The following UGT8 variants were observed in gnomAD, a reference collection of about 807,000 sequenced individuals.
UGT8 encodes UDP glycosyltransferase 8.
UGT8 carries 12 observed loss-of-function variants against 40.5 expected under a neutral mutation model. That is an observed-to-expected ratio of 0.30 (90% CI 0.19 to 0.48). The LOEUF (loss-of-function observed/expected upper bound fraction) is 0.48, where lower values mean the gene tolerates loss of function less well. Ranked by LOEUF, UGT8 falls within the 20% of genes least tolerant of loss-of-function variation. The pLI is 0.99. For synonymous variants in UGT8, 224 were observed against 240.4 expected, an observed-to-expected ratio of 0.93 and a Z score of 0.63; for missense variants, 513 against 648.7, an observed-to-expected ratio of 0.79 and a Z score of 2.27.
At chr4:114,668,421 A>G in intron 5 of UGT8, 117 bp downstream of exon 5, 1 of 879,492 alleles carries the variant, frequency 1.1e-6, no homozygotes, top group Non-Finnish European at 1.7e-6. Flanking sequence ...TATCCTTTAG[A>G]TTCCTGTGAT....
At chr4:114,615,120 C>T (rs1186271269) in intron 1 of UGT8, among the ~76,000 whole-genome samples, 3 of 152,006 alleles carry the variant, frequency 2.0e-5, no homozygotes, top group Non-Finnish European at 4.4e-5. Context: ...CCACAGTTAA[C>T]AACTTTTTTT....
At chr4:114,656,486 C>T (rs1209325901) in intron 2 of UGT8, among the ~76,000 whole-genome samples, 5 of 152,124 alleles carry the variant, frequency 3.3e-5, no homozygotes, top group African/African-American at 1.2e-4. Flanking sequence ...CAAAATAAAG[C>T]AGTGTACTTG....
At chr4:114,643,841 C>G (rs748414378) in intron 2 of UGT8, among the ~76,000 whole-genome samples, 1 of 152,028 alleles carries the variant, frequency 6.6e-6, no homozygotes, top group Non-Finnish European at 1.5e-5. Flanking sequence ...ACACATTTCT[C>G]AAACTCTCAA....
At chr4:114,648,330 T>C (rs1220988398) in intron 2 of UGT8, among the ~76,000 whole-genome samples, 1 of 150,644 alleles carries the variant, frequency 6.6e-6, no homozygotes, top group African/African-American at 2.4e-5. Context: ...GTATGTTCAG[T>C]AGTATCATTA....
At chr4:114,604,051 A>G (rs931415400) in intron 1 of UGT8, among the ~76,000 whole-genome samples, 3 of 152,196 alleles carry the variant, frequency 2.0e-5, no homozygotes, top group Admixed American at 2.0e-4. Flanking sequence ...AAGTCCTTGA[A>G]GAGAGAGTGG....
At chr4:114,669,187 T>A (rs1735078394) in intron 5 of UGT8, among the ~76,000 whole-genome samples, 1 of 152,176 alleles carries the variant, frequency 6.6e-6, no homozygotes, top group Non-Finnish European at 1.5e-5. Context: ...CAACTGAAGT[T>A]CATTATGCTG....
chr4:114,636,721 A>G (rs1048448466), intron 2 of UGT8, among the ~76,000 whole-genome samples: 2 of 151,616 alleles, frequency 1.3e-5, no homozygotes, highest in Non-Finnish European at 2.9e-5. Flanking sequence ...CCCTTCCCCC[A>G]AACTTCCCGC....
At chr4:114,660,209 A>G (rs6813821) in intron 2 of UGT8, among the ~76,000 whole-genome samples, 2,460 of 152,298 alleles carry the variant, frequency 0.016, 73 homozygotes, top group African/African-American at 0.055. Context: ...TCCAGCAAAC[A>G]AACAAAAACA....
At chr4:114,642,764 T>G (rs1560691386) in intron 2 of UGT8, among the ~76,000 whole-genome samples, 1 of 152,206 alleles carries the variant, frequency 6.6e-6, no homozygotes, top group South Asian at 2.1e-4. Context: ...ATTGTTGTTT[T>G]AAAGGCCCTT....
At chr4:114,668,429 G>A in intron 5 of UGT8, 125 bp downstream of exon 5, 1 of 846,174 alleles carries the variant, frequency 1.2e-6, no homozygotes, top group Non-Finnish European at 1.8e-6. Flanking sequence ...AGATTCCTGT[G>A]ATAATGCTTT....
intron 2 of UGT8, among the ~76,000 whole-genome samples, chr4:114,653,654 T>C (rs1388094940): frequency 1.3e-5 from 2 of 152,136 alleles, no homozygotes; most frequent in Non-Finnish European, 2.9e-5. Flanking sequence ...TAATTGCCTG[T>C]CACTAAACTG....
rs1365781977 is a variant in UGT8 at position 114,676,576 on chromosome 4, A to G, written c.*288A>G. On this transcript the variant is annotated 3_prime_UTR_variant, in exon 6 of 6. Transcript: ENST00000310836. ...TGACTGTGTCAGACCTTAGTTTTAAATCTTGATATGTGCGTGTCCCGGATC... is the reference window on the plus strand; with the variant it reads ...TGACTGTGTCAGACCTTAGTTTTAAGTCTTGATATGTGCGTGTCCCGGATC... 1.0e-5 allele frequency: 3 copies of G among 290,240 alleles called. No homozygotes were observed. In the Admixed American group the frequency reaches 1.5e-4, roughly 14 times the overall value. The allele number at this position is 290,240 out of a possible 1,614,324, so 18.0% of individuals were successfully genotyped here.
intron 2 of UGT8, among the ~76,000 whole-genome samples, chr4:114,651,909 T>C (rs1398815677): frequency 3.3e-5 from 5 of 152,098 alleles, no homozygotes; most frequent in Non-Finnish European, 4.4e-5. Flanking sequence ...ATGAAAATTA[T>C]AAGCTATCAG....
At chr4:114,673,560 T>C (rs1367319943) in intron 5 of UGT8, among the ~76,000 whole-genome samples, 2 of 152,338 alleles carry the variant, frequency 1.3e-5, no homozygotes, top group East Asian at 3.9e-4. Context: ...GTTAATAATT[T>C]ATTCAAGAGT....
chr4:114,635,834 T>C (rs1175120276), intron 2 of UGT8, among the ~76,000 whole-genome samples: 3 of 152,202 alleles, frequency 2.0e-5, no homozygotes, highest in African/African-American at 7.2e-5. Flanking sequence ...TTTCCTGTTA[T>C]GAAGACAGAA....
At chr4:114,606,329 A>G (rs988266035) in intron 1 of UGT8, among the ~76,000 whole-genome samples, 8 of 152,128 alleles carry the variant, frequency 5.3e-5, no homozygotes, top group Non-Finnish European at 4.4e-5. Context: ...GCTTTGAGAG[A>G]GCTGTTCTAA....
At chr4:114,638,036 A>G (rs889243511) in intron 2 of UGT8, among the ~76,000 whole-genome samples, 1 of 152,230 alleles carries the variant, frequency 6.6e-6, no homozygotes, top group African/African-American at 2.4e-5. Flanking sequence ...TAACTTTACC[A>G]TAGAATACAT....
intron 4 of UGT8, among the ~76,000 whole-genome samples, chr4:114,666,756 G>T (rs1230736356): frequency 6.6e-6 from 1 of 151,678 alleles, no homozygotes; most frequent in Non-Finnish European, 1.5e-5. Flanking sequence ...TTGACTGTGA[G>T]GCTCTACTGC....
At chr4:114,624,146 T>C (rs1375246337) in intron 2 of UGT8, among the ~76,000 whole-genome samples, 1 of 152,216 alleles carries the variant, frequency 6.6e-6, no homozygotes, top group Non-Finnish European at 1.5e-5. Flanking sequence ...GGGAGGTTAT[T>C]ACCACTAGTT....
Sources: gnomAD v4.1 joint callset for allele counts (sites outside exome capture counted in the v4.1 genomes callset) on GRCh38, gnomAD v4.1.1 for gene constraint, MANE v1.5 for transcripts, NCBI Gene and HGNC (gene_info 2026-07-23, HGNC 2026-07-21) for gene names.